SPOCK3: variants seen among roughly 807,000 people sequenced by gnomAD.
SPOCK3 encodes the protein SPARC (osteonectin), cwcv and kazal like domains proteoglycan 3.
A neutral mutation model predicts 56.6 loss-of-function variants in SPOCK3; 30 were observed. The observed-to-expected ratio is 0.53, with a 90% confidence interval of 0.40 to 0.72. SPOCK3 has a LOEUF of 0.72. Among genes scored for constraint, SPOCK3 ranks in the 30% least tolerant of loss-of-function variants. SPOCK3 has a pLI of 0.00. For missense variants in SPOCK3, 527 were observed against 530.0 expected, an observed-to-expected ratio of 0.99 and a Z score of 0.06; for synonymous variants, 196 against 183.3, an observed-to-expected ratio of 1.07 and a Z score of -0.56.
At chr4:167,109,792 T>A (rs988362723) in intron 2 of SPOCK3, among the ~76,000 whole-genome samples, 1 of 151,350 alleles carries the variant, frequency 6.6e-6, no homozygotes, top group Admixed American at 6.6e-5. Flanking sequence ...AAATACTATA[T>A]GAAGGAGCAA....
In SPOCK3 at chr4:166,764,705, C is replaced by A. The variant is rs1440118886; in HGVS notation, c.710-9976G>T. ...TTTATAATCCTTTGGGTATATACCCCTTAATGGGATGGCTGGGTCAAATGG... is the reference window on the plus strand; with the variant it reads ...TTTATAATCCTTTGGGTATATACCCATTAATGGGATGGCTGGGTCAAATGG... On this transcript the variant is annotated intron_variant, in intron 7 of 10. Transcript: ENST00000357545. 3.6e-4 allele frequency among the ~76,000 whole-genome samples: 55 copies of A among 152,124 alleles called. No individual in the cohort carries two copies. The South Asian group carries it at 5.2e-3, about 14-fold the overall frequency.
intron 2 of SPOCK3, among the ~76,000 whole-genome samples, chr4:167,166,484 C>G (rs1395478610): frequency 1.3e-5 from 2 of 152,016 alleles, no homozygotes; most frequent in Non-Finnish European, 2.9e-5. Flanking sequence ...CTCTCAAGAG[C>G]AGGAAAATGT....
intron 2 of SPOCK3, among the ~76,000 whole-genome samples, chr4:167,222,828 T>A (rs1469991218): frequency 7.8e-6 from 1 of 127,566 alleles, no homozygotes; most frequent in Non-Finnish European, 1.6e-5. Context: ...TATATAAACA[T>A]AGATATATAT....
chr4:167,019,398 C>T (rs568021793), intron 3 of SPOCK3, among the ~76,000 whole-genome samples: 19 of 151,648 alleles, frequency 1.3e-4, no homozygotes, highest in African/African-American at 2.2e-4. Flanking sequence ...TTTCCACTTA[C>T]GTATGATATA....
chr4:166,965,436 A>C (rs962530727), intron 4 of SPOCK3, among the ~76,000 whole-genome samples: 1 of 149,750 alleles, frequency 6.7e-6, no homozygotes, highest in African/African-American at 2.5e-5. Context: ...TCCTTCTTCA[A>C]TTTTGAAAGT....
intron 3 of SPOCK3, among the ~76,000 whole-genome samples, chr4:167,012,396 G>T (rs1157074570): frequency 6.6e-6 from 1 of 151,830 alleles, no homozygotes; most frequent in East Asian, 1.9e-4. Context: ...ACATATATCT[G>T]CCACTATTAT....
chr4:166,978,003 T>C (rs1036069201), intron 4 of SPOCK3, among the ~76,000 whole-genome samples: 6 of 152,166 alleles, frequency 3.9e-5, no homozygotes, highest in African/African-American at 7.2e-5. Context: ...AAAGTCTCCA[T>C]TGACTCTTTG....
chr4:167,198,412 T>C (rs1733179684), intron 2 of SPOCK3, among the ~76,000 whole-genome samples: 2 of 152,092 alleles, frequency 1.3e-5, no homozygotes, highest in South Asian at 4.1e-4. Context: ...TCCCACCTTG[T>C]TGAAGTTATA....
chr4:166,972,992 C>T (rs1407092180), intron 4 of SPOCK3, among the ~76,000 whole-genome samples: 5 of 151,926 alleles, frequency 3.3e-5, no homozygotes, highest in Admixed American at 1.3e-4. Flanking sequence ...TGATATCGTT[C>T]GGCTCTGTTT....
chr4:167,164,084 T>G (rs1765550068), intron 2 of SPOCK3, among the ~76,000 whole-genome samples: 1 of 152,096 alleles, frequency 6.6e-6, no homozygotes, highest in African/African-American at 2.4e-5. Context: ...TTTAAAATAC[T>G]AAACCCAGAA....
intron 3 of SPOCK3, among the ~76,000 whole-genome samples, chr4:167,041,138 C>A (rs961720541): frequency 1.3e-5 from 2 of 152,132 alleles, no homozygotes; most frequent in Admixed American, 6.6e-5. Context: ...CTCTAAATAG[C>A]TGTAGGATCA....
chr4:166,938,492 T>C (rs987925368), intron 4 of SPOCK3, among the ~76,000 whole-genome samples: 34 of 152,134 alleles, frequency 2.2e-4, no homozygotes, highest in African/African-American at 8.2e-4. Context: ...TAGTAGGTAA[T>C]TGCAAACTTA....
intron 2 of SPOCK3, among the ~76,000 whole-genome samples, chr4:167,090,029 C>A (rs373680783): frequency 2.6e-5 from 4 of 152,270 alleles, no homozygotes; most frequent in South Asian, 4.1e-4. Flanking sequence ...CTTTCGGCAG[C>A]TGCACATTTG....
At chr4:166,737,798 C>T (rs1941546268) in intron 9 of SPOCK3, among the ~76,000 whole-genome samples, 194 bp from the exon 10 acceptor site, 1 of 152,146 alleles carries the variant, frequency 6.6e-6, no homozygotes, top group Admixed American at 6.6e-5. Flanking sequence ...TGGAGCTGGC[C>T]ATTGCCACAA....
At chr4:166,988,503 T>A (rs1301363886) in intron 4 of SPOCK3, among the ~76,000 whole-genome samples, 1 of 152,216 alleles carries the variant, frequency 6.6e-6, no homozygotes, top group East Asian at 1.9e-4. Context: ...ATGGTCTAGT[T>A]GAGAATAAAG....
chr4:167,084,137 C>T (rs1757971566), intron 2 of SPOCK3, among the ~76,000 whole-genome samples: 1 of 151,944 alleles, frequency 6.6e-6, no homozygotes, highest in African/African-American at 2.4e-5. Flanking sequence ...TGTACAAGAG[C>T]ACCTAATATT....
intron 6 of SPOCK3, among the ~76,000 whole-genome samples, chr4:166,839,194 A>G (rs1298064437): frequency 6.6e-6 from 1 of 152,100 alleles, no homozygotes. Context: ...GAGGGCCACC[A>G]TCTCATTACT....
At chr4:166,828,876 G>T (rs945340925) in intron 6 of SPOCK3, among the ~76,000 whole-genome samples, 4 of 151,906 alleles carry the variant, frequency 2.6e-5, no homozygotes, top group African/African-American at 9.7e-5. Context: ...TCCCCCAAGA[G>T]AAATGTATCT....
At chr4:166,808,971 A>G (rs2042470578) in intron 6 of SPOCK3, among the ~76,000 whole-genome samples, 1 of 152,064 alleles carries the variant, frequency 6.6e-6, no homozygotes, top group African/African-American at 2.4e-5. Flanking sequence ...TTAAACAAAG[A>G]TCTTTTATTA....
Sources: gnomAD v4.1 joint callset for allele counts (sites outside exome capture counted in the v4.1 genomes callset) on GRCh38, gnomAD v4.1.1 for gene constraint, MANE v1.5 for transcripts, NCBI Gene and HGNC (gene_info 2026-07-23, HGNC 2026-07-21) for gene names.